EEPD1: variants seen among roughly 807,000 people sequenced by gnomAD.
EEPD1 encodes endonuclease/exonuclease/phosphatase family domain containing 1.
In EEPD1, 17 loss-of-function variants were observed where a neutral mutation model predicts 46.3. The ratio of observed to expected loss-of-function variants is 0.37; its 90% CI spans 0.25 to 0.55. EEPD1 has a LOEUF of 0.55. Among genes scored for constraint, EEPD1 ranks in the 20% least tolerant of loss-of-function variants. The pLI is 0.83. For missense variants in EEPD1, 673 were observed against 745.6 expected (o/e 0.90, Z 1.13); for synonymous variants, 313 against 315.6 (o/e 0.99, Z 0.09).
At chr7:36,273,842 G>A (rs911890990) in intron 3 of EEPD1, among the ~76,000 whole-genome samples, 2 of 152,316 alleles carry the variant, frequency 1.3e-5, no homozygotes, top group Admixed American at 6.5e-5. Context: ...GGCCCTCTGA[G>A]GAAACTTCCA....
intron 4 of EEPD1, among the ~76,000 whole-genome samples, chr7:36,282,185 G>A (rs1300920837): frequency 6.6e-6 from 1 of 152,148 alleles, no homozygotes; most frequent in South Asian, 2.1e-4. Flanking sequence ...TCTAGTTCAG[G>A]GTTCTCCCTT....
intron 2 of EEPD1, among the ~76,000 whole-genome samples, chr7:36,231,278 C>T (rs867824160): frequency 2.0e-5 from 3 of 152,150 alleles, no homozygotes; most frequent in African/African-American, 4.8e-5. Flanking sequence ...CTTAACTGCA[C>T]GCATTCTAGG....
chr7:36,213,613 A>G (rs1785975693), intron 2 of EEPD1, among the ~76,000 whole-genome samples: 1 of 152,156 alleles, frequency 6.6e-6, no homozygotes, highest in Non-Finnish European at 1.5e-5. Context: ...GTTCACCAAC[A>G]TTGAAGGCCC....
intron 2 of EEPD1, among the ~76,000 whole-genome samples, chr7:36,175,377 C>T (rs1055947308): frequency 4.6e-5 from 7 of 152,058 alleles, no homozygotes; most frequent in Non-Finnish European, 2.9e-5. Context: ...ACCACAGGTG[C>T]GTGCCACCAC....
chr7:36,173,141 G>A (rs1196557450), intron 2 of EEPD1, among the ~76,000 whole-genome samples: 1 of 151,908 alleles, frequency 6.6e-6, no homozygotes, highest in African/African-American at 2.4e-5. Flanking sequence ...GGACCTGGTG[G>A]GAGGGGTTTG....
At chr7:36,268,434 C>T (rs1483694209) in intron 3 of EEPD1, among the ~76,000 whole-genome samples, 2 of 152,200 alleles carry the variant, frequency 1.3e-5, no homozygotes, top group East Asian at 1.9e-4. Flanking sequence ...GCTGGGATTA[C>T]AGGCATGAGC....
chr7:36,282,057 G>A (rs1454166898), intron 4 of EEPD1, among the ~76,000 whole-genome samples: 1 of 152,146 alleles, frequency 6.6e-6, no homozygotes, highest in African/African-American at 2.4e-5. Context: ...ACTTAAAGAG[G>A]TACATGTAAA....
chr7:36,266,929 A>G lies in EEPD1; in HGVS notation c.931-14186A>G, dbSNP rs892532189. On this transcript the variant is annotated intron_variant, in intron 3 of 7. Transcript: ENST00000242108. ...CATTGCTTTTTCACGGCTGAGTAAT[A>G]CTTTCTTGCATGAATATACCACATT... Among the ~76,000 whole-genome samples, 8 of 152,272 alleles carry G rather than the reference A, an allele frequency of 5.3e-5. No individual in the cohort carries two copies. The South Asian group carries it at 6.2e-4, about 12-fold the overall frequency.
intron 2 of EEPD1, among the ~76,000 whole-genome samples, chr7:36,235,091 C>T (rs1265289056): frequency 6.8e-6 from 1 of 147,550 alleles, no homozygotes; most frequent in African/African-American, 2.5e-5. Flanking sequence ...TTCCCCATAG[C>T]CTCCAGCCCA....
rs942314123 is a variant in EEPD1 at position 36,299,562 on chromosome 7, G to A, written c.*356G>A. 3.0e-5 allele frequency: 9 copies of A among 300,572 alleles called. No individual in the cohort carries two copies. Among genetic ancestry groups the A allele is most frequent in the African/African-American group, 8.6e-5 (4 of 46,680 alleles). The allele number at this position is 300,572 out of a possible 1,614,324, so 18.6% of individuals were successfully genotyped here. ...GGAGAAGAAGGGGTGCTCAGGCTGC[G>A]GGCCACAGTCCAGCAGCGCCAGAAG... On this transcript the variant is annotated 3_prime_UTR_variant, in exon 8 of 8. Coordinates refer to ENST00000242108, the MANE Select transcript of EEPD1 (RefSeq NM_030636.3).
At chr7:36,236,364 C>G (rs763030080) in intron 2 of EEPD1, among the ~76,000 whole-genome samples, 7 of 152,240 alleles carry the variant, frequency 4.6e-5, no homozygotes, top group African/African-American at 7.2e-5. Flanking sequence ...AAGCCCCGCA[C>G]TAGGCGCCGC....
At chr7:36,172,808 C>A (rs1785109977) in intron 2 of EEPD1, among the ~76,000 whole-genome samples, 1 of 149,494 alleles carries the variant, frequency 6.7e-6, no homozygotes, top group African/African-American at 2.5e-5. Context: ...TAACCAAACC[C>A]AAAAAAAAGG....
chr7:36,179,981 G>C (rs997980007), intron 2 of EEPD1, among the ~76,000 whole-genome samples: 2 of 152,178 alleles, frequency 1.3e-5, no homozygotes, highest in African/African-American at 4.8e-5. Flanking sequence ...AGTGGGGCCG[G>C]GGTGGGTGTT....
chr7:36,176,380 G>C (rs939255994), intron 2 of EEPD1, among the ~76,000 whole-genome samples: 2 of 152,188 alleles, frequency 1.3e-5, no homozygotes, highest in African/African-American at 4.8e-5. Context: ...GAAGAGGCAG[G>C]GTTTCCTACC....
At chr7:36,181,234 G>GCCA (rs1785265368) in intron 2 of EEPD1, among the ~76,000 whole-genome samples, 1 of 143,530 alleles carries the variant, frequency 7.0e-6, no homozygotes, top group Admixed American at 6.9e-5. Context: ...CACCCCACCC[G>GCCA]CCACACCCCA....
intron 6 of EEPD1, among the ~76,000 whole-genome samples, chr7:36,289,035 G>A (rs1002306955): frequency 1.3e-5 from 2 of 152,034 alleles, no homozygotes; most frequent in Non-Finnish European, 2.9e-5. Context: ...CCTCAAATTG[G>A]GAGATTCATG....
chr7:36,189,606 C>G (rs543216008), intron 2 of EEPD1, among the ~76,000 whole-genome samples: 1 of 152,240 alleles, frequency 6.6e-6, no homozygotes, highest in Non-Finnish European at 1.5e-5. Context: ...GTACAGAGCT[C>G]CACTTGGTGT....
chr7:36,273,076 G>A (rs1787135197), intron 3 of EEPD1, among the ~76,000 whole-genome samples: 1 of 152,004 alleles, frequency 6.6e-6, no homozygotes, highest in African/African-American at 2.4e-5. Flanking sequence ...CAGCAGGGTG[G>A]TGACTGTGCA....
At chr7:36,232,434 G>A (rs1470600876) in intron 2 of EEPD1, among the ~76,000 whole-genome samples, 1 of 151,724 alleles carries the variant, frequency 6.6e-6, no homozygotes, top group Non-Finnish European at 1.5e-5. Context: ...TTGATCTCCT[G>A]ACCTTGTGAT....
Sources: allele counts gnomAD v4.1 joint callset (sites outside exome capture counted in the v4.1 genomes callset), GRCh38; gene constraint gnomAD v4.1.1; transcripts MANE v1.5; gene names NCBI Gene and HGNC (gene_info 2026-07-23, HGNC 2026-07-21).